Variants in C2orf76 observed in about 807,000 individuals in gnomAD.
The protein encoded by C2orf76 is chromosome 2 open reading frame 76.
In C2orf76, 23 loss-of-function variants were observed where a neutral mutation model predicts 16.9. The observed-to-expected ratio is 1.36, with a 90% confidence interval of 0.98 to 1.93. The LOEUF is 1.93. C2orf76 is among the 30% of genes most tolerant of loss of function. The pLI is 0.00. For missense variants in C2orf76, 152 were observed against 152.6 expected (o/e 1.00, Z 0.02); for synonymous variants, 48 against 52.3 (o/e 0.92, Z 0.35).
chr2:119,303,880 G>A (rs1473167389), intron 5 of C2orf76, among the ~76,000 whole-genome samples: 2 of 152,084 alleles, frequency 1.3e-5, no homozygotes, highest in Admixed American at 6.5e-5. Flanking sequence ...GCATGACAAG[G>A]AGCCTGTGGG....
the C2orf76 span, among the ~76,000 whole-genome samples, chr2:119,288,154 T>C: frequency 5.0e-5 from 6 of 119,166 alleles, no homozygotes; most frequent in African/African-American, 2.3e-4. Flanking sequence ...TAAATTATAC[T>C]TCAATTTTTT....
At chr2:119,351,191 GT>G (rs1680390685) in intron 1 of C2orf76, among the ~76,000 whole-genome samples, 6 of 152,086 alleles carry the variant, frequency 3.9e-5, no homozygotes, top group Admixed American at 3.3e-4. Context: ...TTTATTATGT[GT>G]TGCTAATTCA....
At chr2:119,292,646 AAACTC>A in the C2orf76 span, among the ~76,000 whole-genome samples, 6 of 152,154 alleles carry the variant, frequency 3.9e-5, no homozygotes, top group African/African-American at 1.4e-4. Flanking sequence ...TCAACTAAAG[AAACTC>A]CTAGAGAGTG....
chr2:119,341,633 C>A (rs1352139124), intron 1 of C2orf76, among the ~76,000 whole-genome samples: 1 of 152,030 alleles, frequency 6.6e-6, no homozygotes, highest in Non-Finnish European at 1.5e-5. Flanking sequence ...TTTAAAGATA[C>A]GAGCAGGGCA....
At chr2:119,344,157 CTTTT>C (rs1680124673) in intron 1 of C2orf76, among the ~76,000 whole-genome samples, 1 of 152,172 alleles carries the variant, frequency 6.6e-6, no homozygotes, top group Non-Finnish European at 1.5e-5. Flanking sequence ...TGTCATCTTT[CTTTT>C]ATGTGCTTCA....
At chr2:119,283,221 G>A in the C2orf76 span, among the ~76,000 whole-genome samples, 3 of 151,904 alleles carry the variant, frequency 2.0e-5, no homozygotes, top group African/African-American at 7.3e-5. Flanking sequence ...AGGGGTGCAG[G>A]CGCTTAGCAC....
intron 4 of C2orf76, among the ~76,000 whole-genome samples, chr2:119,313,169 C>CTGT (rs1679052087): frequency 6.6e-6 from 1 of 152,066 alleles, no homozygotes; most frequent in Non-Finnish European, 1.5e-5. Flanking sequence ...GACAGAGAGT[C>CTGT]AACAGAAAGG....
chr2:119,347,805 A>C (rs1357713052), intron 1 of C2orf76, among the ~76,000 whole-genome samples: 1 of 152,150 alleles, frequency 6.6e-6, no homozygotes, highest in African/African-American at 2.4e-5. Flanking sequence ...TTGGGAAATA[A>C]TACAGCGCTC....
At chr2:119,315,389 C>G (rs1281129813) in intron 4 of C2orf76, among the ~76,000 whole-genome samples, 2 of 152,164 alleles carry the variant, frequency 1.3e-5, no homozygotes, top group East Asian at 3.8e-4. Flanking sequence ...TTAGAAGTCT[C>G]TCCTTTCAGC....
At chr2:119,348,627 A>G (rs1680283422) in intron 1 of C2orf76, among the ~76,000 whole-genome samples, 1 of 151,974 alleles carries the variant, frequency 6.6e-6, no homozygotes, top group African/African-American at 2.4e-5. Context: ...CAGAGGTTGC[A>G]GTAAGCCAAG....
intron 4 of C2orf76, among the ~76,000 whole-genome samples, chr2:119,312,114 C>T (rs1329302787): frequency 6.6e-6 from 1 of 152,202 alleles, no homozygotes; most frequent in Non-Finnish European, 1.5e-5. Context: ...GCAGGGTGAG[C>T]ACTCTCTCTT....
intron 5 of C2orf76, chr2:119,311,278 T>C (rs1338559493): frequency 5.1e-6 from 5 of 985,334 alleles, no homozygotes; most frequent in African/African-American, 1.7e-5. Context: ...GTTCTTACTA[T>C]GTCCATTTCT....
chr2:119,286,753 C>T, the C2orf76 span, among the ~76,000 whole-genome samples: 6 of 152,196 alleles, frequency 3.9e-5, no homozygotes, highest in Admixed American at 3.9e-4. Context: ...CAGGGAAGGA[C>T]ACCAGACGGG....
intron 2 of C2orf76, among the ~76,000 whole-genome samples, chr2:119,328,319 T>C (rs967430417): frequency 6.6e-6 from 1 of 152,218 alleles, no homozygotes; most frequent in Non-Finnish European, 1.5e-5. Flanking sequence ...TTCATGCCGT[T>C]TCTTTTTTAG....
At chr2:119,294,819 C>G in the C2orf76 span, among the ~76,000 whole-genome samples, 1 of 152,146 alleles carries the variant, frequency 6.6e-6, no homozygotes, top group Non-Finnish European at 1.5e-5. Flanking sequence ...GCTAGCTGTT[C>G]AGGTGCAGGT....
intron 2 of C2orf76, among the ~76,000 whole-genome samples, chr2:119,325,520 G>A (rs1043491455): frequency 3.3e-5 from 5 of 150,904 alleles, no homozygotes; most frequent in African/African-American, 1.2e-4. Flanking sequence ...TCAGGAGGCT[G>A]AAGCAGGAGA....
At chr2:119,312,122 C>G (rs1177731447) in intron 4 of C2orf76, among the ~76,000 whole-genome samples, 1 of 152,226 alleles carries the variant, frequency 6.6e-6, no homozygotes, top group Non-Finnish European at 1.5e-5. Context: ...AGCACTCTCT[C>G]TTAGCTGTCA....
At chr2:119,328,323 T>C (rs1250799703) in intron 2 of C2orf76, among the ~76,000 whole-genome samples, 1 of 152,210 alleles carries the variant, frequency 6.6e-6, no homozygotes, top group Non-Finnish European at 1.5e-5. Context: ...TGCCGTTTCT[T>C]TTTTAGTGAG....
chr2:119,316,085 T>C (rs1265854995), intron 4 of C2orf76, among the ~76,000 whole-genome samples: 1 of 152,252 alleles, frequency 6.6e-6, no homozygotes, highest in East Asian at 1.9e-4. Flanking sequence ...CGTATTGTTT[T>C]ATTTTAACTT....
Sources: allele counts gnomAD v4.1 joint callset (sites outside exome capture counted in the v4.1 genomes callset), GRCh38; gene constraint gnomAD v4.1.1; transcripts MANE v1.5; gene names NCBI Gene and HGNC (gene_info 2026-07-23, HGNC 2026-07-21).